Variants in GALNT13 observed in about 807,000 individuals in gnomAD.
GALNT13 encodes UDP-GalNAc:polypeptide N-acetylgalactosaminyltransferase 13.
A neutral mutation model predicts 64.2 loss-of-function variants in GALNT13; 28 were observed. That is an observed-to-expected ratio of 0.44 (90% confidence interval 0.32 to 0.60). GALNT13 has a LOEUF of 0.60. GALNT13 is among the 20% of genes least tolerant of loss of function. GALNT13 has a pLI of 0.05. For missense variants in GALNT13, 577 were observed against 669.8 expected (o/e 0.86, Z 1.53); for synonymous variants, 214 against 224.6 (o/e 0.95, Z 0.42).
chr2:153,112,938 G>A, the GALNT13 span, among the ~76,000 whole-genome samples: 1 of 152,086 alleles, frequency 6.6e-6, no homozygotes, highest in African/African-American at 2.4e-5. Flanking sequence ...ATTCCAGTCA[G>A]ATGATCTGCA....
At chr2:153,527,556 G>A in the GALNT13 span, among the ~76,000 whole-genome samples, 2 of 152,136 alleles carry the variant, frequency 1.3e-5, no homozygotes, top group Non-Finnish European at 2.9e-5. Context: ...AGAGAAGGAT[G>A]TTAATGAGCA....
At chr2:153,571,403 A>C in the GALNT13 span, among the ~76,000 whole-genome samples, 1 of 152,018 alleles carries the variant, frequency 6.6e-6, no homozygotes, top group Non-Finnish European at 1.5e-5. Context: ...ATCTGCAAAC[A>C]AGGATAATTT....
the GALNT13 span, among the ~76,000 whole-genome samples, chr2:153,791,877 A>C: frequency 6.6e-6 from 1 of 152,276 alleles, no homozygotes; most frequent in African/African-American, 2.4e-5. Flanking sequence ...AAATGATGAG[A>C]ACACATGGAC....
the GALNT13 span, among the ~76,000 whole-genome samples, chr2:153,634,824 C>T: frequency 6.6e-6 from 1 of 152,076 alleles, no homozygotes; most frequent in East Asian, 1.9e-4. Flanking sequence ...GCTGGAACTA[C>T]AGGCGTGAGC....
chr2:153,704,314 T>TA, the GALNT13 span, among the ~76,000 whole-genome samples: 1 of 152,164 alleles, frequency 6.6e-6, no homozygotes, highest in Non-Finnish European at 1.5e-5. Flanking sequence ...TTTCTTACTT[T>TA]AAAAAATTAT....
chr2:153,583,057 TAATC>T, the GALNT13 span, among the ~76,000 whole-genome samples: 1 of 152,200 alleles, frequency 6.6e-6, no homozygotes, highest in Non-Finnish European at 1.5e-5. Flanking sequence ...AGGCATTAAT[TAATC>T]ACAAACATTA....
intron 3 of GALNT13, among the ~76,000 whole-genome samples, chr2:154,115,307 G>A (rs946686777): frequency 1.3e-5 from 2 of 151,782 alleles, no homozygotes; most frequent in Admixed American, 1.3e-4. Context: ...TATTATTATT[G>A]TTATTATTAT....
the GALNT13 span, among the ~76,000 whole-genome samples, chr2:153,136,848 C>CCACACACGCACACACACA: frequency 6.7e-6 from 1 of 148,330 alleles, no homozygotes; most frequent in Non-Finnish European, 1.5e-5. Context: ...GGTGTTTGCA[C>CCACACACGCACACACACA]CACACACACA....
At chr2:153,261,249 G>T in the GALNT13 span, among the ~76,000 whole-genome samples, 125,709 of 152,102 alleles carry the variant, frequency 0.83, 53,145 homozygotes, top group African/African-American at 0.91. Context: ...TTCCTGTATT[G>T]TCTTGATGCT....
At chr2:153,943,695 A>G (rs1219249511) in intron 2 of GALNT13, among the ~76,000 whole-genome samples, 1 of 152,056 alleles carries the variant, frequency 6.6e-6, no homozygotes, top group Non-Finnish European at 1.5e-5. Context: ...TGGTTTTACC[A>G]TGTTGGCCAG....
the GALNT13 span, among the ~76,000 whole-genome samples, chr2:153,509,852 T>C: frequency 6.6e-6 from 1 of 152,242 alleles, no homozygotes; most frequent in Non-Finnish European, 1.5e-5. Context: ...AAGCCTAGTT[T>C]CATTTCATTA....
the GALNT13 span, among the ~76,000 whole-genome samples, chr2:153,345,700 T>C: frequency 6.8e-4 from 95 of 140,564 alleles, 1 homozygote; most frequent in Non-Finnish European, 1.1e-3. Context: ...TCTTTCTTTC[T>C]TTCTCTTTCT....
At chr2:153,148,754 C>A in the GALNT13 span, among the ~76,000 whole-genome samples, 3 of 151,806 alleles carry the variant, frequency 2.0e-5, no homozygotes, top group African/African-American at 7.2e-5. Flanking sequence ...ATTTGATCAA[C>A]AGAATGTTAT....
At chr2:153,820,714 A>C in the GALNT13 span, among the ~76,000 whole-genome samples, 1 of 152,192 alleles carries the variant, frequency 6.6e-6, no homozygotes, top group Non-Finnish European at 1.5e-5. Flanking sequence ...TTCTTATGGG[A>C]GTTCTAAACA....
At chr2:153,825,433 G>C in the GALNT13 span, among the ~76,000 whole-genome samples, 2 of 152,078 alleles carry the variant, frequency 1.3e-5, no homozygotes, top group African/African-American at 4.8e-5. Flanking sequence ...TGTATTTAGA[G>C]GCTACGACAA....
At chr2:153,576,183 G>A in the GALNT13 span, among the ~76,000 whole-genome samples, 3 of 152,024 alleles carry the variant, frequency 2.0e-5, no homozygotes, top group African/African-American at 2.4e-5. Context: ...GTGGAAAGAC[G>A]GGTCCTCTTT....
chr2:153,587,516 C>T, the GALNT13 span, among the ~76,000 whole-genome samples: 3 of 152,086 alleles, frequency 2.0e-5, no homozygotes, highest in African/African-American at 4.8e-5. Flanking sequence ...TGGCAGCAGG[C>T]AAAGAGAGAG....
At chr2:153,333,089 G>C in the GALNT13 span, among the ~76,000 whole-genome samples, 5 of 152,218 alleles carry the variant, frequency 3.3e-5, no homozygotes, top group African/African-American at 7.2e-5. Flanking sequence ...TCCAGTCCCT[G>C]TCCAGAGATT....
At chr2:153,629,069 T>C in the GALNT13 span, among the ~76,000 whole-genome samples, 1 of 152,154 alleles carries the variant, frequency 6.6e-6, no homozygotes, top group African/African-American at 2.4e-5. Flanking sequence ...CCTGGTTTAG[T>C]CTTGGGAGGG....
Sources: gnomAD v4.1 joint callset for allele counts (sites outside exome capture counted in the v4.1 genomes callset) on GRCh38, gnomAD v4.1.1 for gene constraint, MANE v1.5 for transcripts, NCBI Gene and HGNC (gene_info 2026-07-23, HGNC 2026-07-21) for gene names.